Variants in EFNA5 observed in about 807,000 individuals in gnomAD.
EFNA5 encodes ephrin A5.
EFNA5 carries 5 observed loss-of-function variants against 22.9 expected under a neutral mutation model. The ratio of observed to expected loss-of-function variants is 0.22; its 90% CI spans 0.11 to 0.46. EFNA5 has a LOEUF of 0.46. Among genes scored for constraint, EFNA5 ranks in the 20% least tolerant of loss-of-function variants. The pLI is 0.99. For missense variants in EFNA5, 237 were observed against 293.3 expected (o/e 0.81, Z 1.40); for synonymous variants, 113 against 112.2 (o/e 1.01, Z -0.04).
At chr5:107,463,169 C>T (rs1444060969) in intron 1 of EFNA5, among the ~76,000 whole-genome samples, 2 of 151,990 alleles carry the variant, frequency 1.3e-5, no homozygotes, top group Admixed American at 1.3e-4. Flanking sequence ...CAACCATTCT[C>T]CAAAGATTTT....
At chr5:107,615,425 T>C (rs1749893385) in intron 1 of EFNA5, among the ~76,000 whole-genome samples, 1 of 152,100 alleles carries the variant, frequency 6.6e-6, no homozygotes, top group Non-Finnish European at 1.5e-5. Context: ...GCACTACTGA[T>C]TGAGAAGGCA....
intron 1 of EFNA5, among the ~76,000 whole-genome samples, chr5:107,661,643 A>G (rs1316451311): frequency 6.6e-6 from 1 of 152,354 alleles, no homozygotes; most frequent in East Asian, 1.9e-4. Context: ...GACACAAAAG[A>G]TAATTTCCCA....
intron 1 of EFNA5, among the ~76,000 whole-genome samples, chr5:107,525,052 C>T (rs1289046960): frequency 6.6e-6 from 1 of 152,144 alleles, no homozygotes; most frequent in South Asian, 2.1e-4. Flanking sequence ...GAAAAGAACA[C>T]AAGCTTGATG....
At chr5:107,500,735 C>G (rs1747113494) in intron 1 of EFNA5, among the ~76,000 whole-genome samples, 1 of 152,120 alleles carries the variant, frequency 6.6e-6, no homozygotes, top group South Asian at 2.1e-4. Flanking sequence ...ACATGAAATT[C>G]TGCAGGCATC....
chr5:107,458,476 A>G (rs1246634928), intron 1 of EFNA5, among the ~76,000 whole-genome samples: 1 of 152,028 alleles, frequency 6.6e-6, no homozygotes, highest in African/African-American at 2.4e-5. Flanking sequence ...GTTATCTACA[A>G]TTGGCAGAGG....
chr5:107,630,801 A>G (rs1407512102), intron 1 of EFNA5, among the ~76,000 whole-genome samples: 1 of 152,096 alleles, frequency 6.6e-6, no homozygotes, highest in Non-Finnish European at 1.5e-5. Flanking sequence ...ACATTGTACA[A>G]CTGTACAAAG....
chr5:107,512,294 G>A (rs1329112000), intron 1 of EFNA5, among the ~76,000 whole-genome samples: 1 of 152,072 alleles, frequency 6.6e-6, no homozygotes, highest in African/African-American at 2.4e-5. Flanking sequence ...CCTCAGTAGG[G>A]TGTAAATGGC....
intron 2 of EFNA5, among the ~76,000 whole-genome samples, chr5:107,404,068 T>G (rs1010079869): frequency 1.3e-5 from 2 of 152,236 alleles, no homozygotes; most frequent in African/African-American, 2.4e-5. Flanking sequence ...ATCCAACTTA[T>G]GACCTAAATC....
intron 1 of EFNA5, among the ~76,000 whole-genome samples, chr5:107,587,609 C>T (rs555192435): frequency 6.8e-4 from 104 of 152,218 alleles, no homozygotes; most frequent in African/African-American, 2.0e-3. Context: ...CTCCGCCTCC[C>T]GGGTTCATGC....
At chr5:107,584,962 T>A (rs1193893706) in intron 1 of EFNA5, among the ~76,000 whole-genome samples, 1 of 152,172 alleles carries the variant, frequency 6.6e-6, no homozygotes, top group Non-Finnish European at 1.5e-5. Context: ...TTCTGGTTAT[T>A]CTAATGTAGG....
intron 1 of EFNA5, among the ~76,000 whole-genome samples, chr5:107,509,359 C>A (rs1195342712): frequency 6.6e-6 from 1 of 151,466 alleles, no homozygotes; most frequent in Non-Finnish European, 1.5e-5. Flanking sequence ...CACCCTGTCG[C>A]CCAGGCTGCA....
At chr5:107,465,765 G>A (rs62357523) in intron 1 of EFNA5, among the ~76,000 whole-genome samples, 1 of 151,880 alleles carries the variant, frequency 6.6e-6, no homozygotes, top group African/African-American at 2.4e-5. Context: ...GTACTGCCAT[G>A]GTGTCTTAGT....
At position 107,621,004 on chromosome 5, in the gene EFNA5, A is replaced by T. The variant is rs1750024287; in HGVS notation, c.125+49485T>A. Among the ~76,000 whole-genome samples, 3 of 152,208 alleles carry T rather than the reference A, an allele frequency of 2.0e-5. No homozygotes were observed. In the South Asian group the frequency reaches 6.2e-4, roughly 32 times the overall value. ...ATTAGGGAAGGGAAAGTAATTTGTTATGTCTAGAAAGTAGTGGATGGGAGG... is the reference window on the plus strand; with the variant it reads ...ATTAGGGAAGGGAAAGTAATTTGTTTTGTCTAGAAAGTAGTGGATGGGAGG... On this transcript the variant is annotated intron_variant, in intron 1 of 4. Coordinates refer to ENST00000333274, the MANE Select transcript of EFNA5 (RefSeq NM_001962.3).
intron 1 of EFNA5, among the ~76,000 whole-genome samples, chr5:107,581,664 A>G (rs976865791): frequency 6.6e-6 from 1 of 152,178 alleles, no homozygotes; most frequent in East Asian, 1.9e-4. Flanking sequence ...TTCAAGTTTC[A>G]TATGTTATAA....
intron 1 of EFNA5, among the ~76,000 whole-genome samples, chr5:107,668,140 C>G (rs1321660618): frequency 6.6e-6 from 1 of 152,084 alleles, no homozygotes; most frequent in Non-Finnish European, 1.5e-5. Flanking sequence ...GGCTGTATCT[C>G]TTGGGGTTAA....
chr5:107,476,729 TTC>T (rs1167875908), intron 1 of EFNA5, among the ~76,000 whole-genome samples: 1 of 91,270 alleles, frequency 1.1e-5, no homozygotes, highest in Admixed American at 1.0e-4. Context: ...TGTTTATTTT[TTC>T]TCTTTCTCTC....
chr5:107,639,966 T>A (rs1750468879), intron 1 of EFNA5, among the ~76,000 whole-genome samples: 1 of 152,220 alleles, frequency 6.6e-6, no homozygotes, highest in African/African-American at 2.4e-5. Flanking sequence ...GTTATTTATG[T>A]GTCACTTATG....
chr5:107,380,678 T>C lies in EFNA5; in HGVS notation c.*577A>G, dbSNP rs1747427163. On this transcript the variant is annotated 3_prime_UTR_variant, in exon 5 of 5. Transcript: ENST00000333274. ...AAAAAAAACCAGTGTCTCAACCTTT[T>C]AGAAGCCTGTTCATTTACATACTCC... is the stretch of plus-strand genomic sequence containing the variant. The C allele has an allele frequency of 5.0e-6, 2 of 398,010 alleles. No homozygotes were observed. Among genetic ancestry groups the C allele is most frequent in the South Asian group, 1.3e-4 (1 of 7,832 alleles). The allele number at this position is 398,010 out of a possible 1,614,324, so 24.7% of individuals were successfully genotyped here. A position where few individuals can be genotyped will look rare whatever the true frequency, so the allele number is the denominator to read the frequency against.
chr5:107,551,200 G>A lies in EFNA5; in HGVS notation c.125+119289C>T, dbSNP rs548928459. Among the ~76,000 whole-genome samples, 24 of 152,222 alleles carry A rather than the reference G, an allele frequency of 1.6e-4. No individual in the cohort carries two copies. In the South Asian group the frequency reaches 5.0e-3, roughly 32 times the overall value. On this transcript the variant is annotated intron_variant, in intron 1 of 4. Transcript: ENST00000333274. ...TGTAGGTTAATTAACCAGCCCCAAG[G>A]TCACACAGCAGTAGGTGCAGAGCCA...
Sources: allele counts gnomAD v4.1 joint callset (sites outside exome capture counted in the v4.1 genomes callset), GRCh38; gene constraint gnomAD v4.1.1; transcripts MANE v1.5; gene names NCBI Gene and HGNC (gene_info 2026-07-23, HGNC 2026-07-21).